The following THOP1 variants were observed in gnomAD, a reference collection of about 807,000 sequenced individuals.
THOP1 encodes thimet oligopeptidase.
In THOP1, 49 loss-of-function variants were observed where a neutral mutation model predicts 71.8. The observed-to-expected ratio is 0.68, with a 90% CI of 0.54 to 0.87. THOP1 has a LOEUF of 0.87. Among genes scored for constraint, THOP1 ranks in the 40% least tolerant of loss-of-function variants. The pLI, the probability that THOP1 is intolerant of heterozygous loss-of-function variation, is 0.00. For synonymous variants in THOP1, 426 were observed against 421.5 expected (o/e 1.01, Z -0.13); for missense variants, 843 against 975.6 (o/e 0.86, Z 1.81).
At chr19:2,812,908 C>G (rs568602307) in intron 12 of THOP1, among the ~76,000 whole-genome samples, 1 of 152,288 alleles carries the variant, frequency 6.6e-6, no homozygotes, top group South Asian at 2.1e-4. Context: ...CTCTGCTGGC[C>G]CCTCAGTGCA....
At chr19:2,788,929 T>G (rs1915811891) in intron 1 of THOP1, among the ~76,000 whole-genome samples, 2 of 151,958 alleles carry the variant, frequency 1.3e-5, no homozygotes. Flanking sequence ...CCTGGCTAAT[T>G]TTTGTATTTT....
Position 2,815,103 on chromosome 19 carries a change from G to C in THOP1, c.*1827G>C, listed in dbSNP as rs2144790405. The C allele has an allele frequency of 6.6e-6, 1 of 152,390 alleles. No homozygotes were observed. The highest frequency in any genetic ancestry group is 1.5e-5 in the Non-Finnish European group (1 of 68,106). 9.4% of individuals were successfully genotyped at this position (152,390 alleles called of 1,614,324 possible). On this transcript the variant is annotated 3_prime_UTR_variant, in exon 13 of 13. Coordinates refer to ENST00000307741, the MANE Select transcript of THOP1 (RefSeq NM_003249.5). ...CCTGGGGTTCAGAAAAGAAAAGCTG[G>C]AAGGCAAAGCCGACCGCACTGGGCA... is the stretch of plus-strand genomic sequence containing the variant.
chr19:2,804,948 C>G lies in THOP1; in HGVS notation c.590-68C>G. 1 of 1,496,586 alleles carries G rather than the reference C, an allele frequency of 6.7e-7. No homozygotes were observed. Among genetic ancestry groups the G allele is most frequent in the Non-Finnish European group, 9.0e-7 (1 of 1,113,874 alleles). 92.7% of individuals were successfully genotyped at this position (1,496,586 alleles called of 1,614,324 possible). A position where few individuals can be genotyped will look rare whatever the true frequency, so the allele number is the denominator to read the frequency against. On this transcript the variant is annotated intron_variant, in intron 5 of 12. Coordinates refer to ENST00000307741, the MANE Select transcript of THOP1 (RefSeq NM_003249.5). This position sits in a 1 kb window ranked among gnomAD's most constrained non-coding sequence, Gnocchi z 4.7. ...GGCAGAGGGGAAGCCCACCCCTTCC[C>G]TCACACGCTGTGTGCAGGCTGTGGG...
Position 2,785,542 on chromosome 19 carries a change from T to G in THOP1, c.-121T>G, listed in dbSNP as rs954806552. On this transcript the variant is annotated 5_prime_UTR_variant, in exon 1 of 13. Coordinates refer to ENST00000307741, the MANE Select transcript of THOP1 (RefSeq NM_003249.5). ...GCGCGGGCGGCGGGCCCCTTGGTCC[T>G]CAGGCGGCCGTGGCGGCGGTGGCGG... The G allele has an allele frequency of 1.3e-5, 16 of 1,244,198 alleles. No individual in the cohort carries two copies. The highest frequency in any genetic ancestry group is 1.7e-5 in the Non-Finnish European group (16 of 942,638). The allele number at this position is 1,244,198 out of a possible 1,614,324, so 77.1% of individuals were successfully genotyped here. A position where few individuals can be genotyped will look rare whatever the true frequency, so the allele number is the denominator to read the frequency against.
chr19:2,807,056 G>A lies in THOP1; in HGVS notation c.886+4G>A. 6.2e-7 allele frequency: 1 copy of A among 1,606,096 alleles called. No individual in the cohort carries two copies. Among genetic ancestry groups the A allele is most frequent in the Non-Finnish European group, 8.5e-7 (1 of 1,176,820 alleles). ...CAGACCGTGGCCACCTTCCTAGGTA[G>A]CCCTTCCTTCCTCCTCCACTGGGGT... On this transcript the variant is annotated splice_donor_region_variant and intron_variant, in intron 7 of 12. Transcript: ENST00000307741.
Position 2,807,655 on chromosome 19 carries a change from A to G in THOP1, c.1100A>G (p.His367Arg). 4 of 1,609,228 alleles carry G rather than the reference A, an allele frequency of 2.5e-6. No homozygotes were observed. Among genetic ancestry groups the G allele is most frequent in the South Asian group, 2.2e-5 (2 of 91,010 alleles). Residue 367 changes from histidine (H) to arginine (R), a missense_variant, in exon 8 of 13, where the codon CAC becomes CGC. His to Arg is a conservative substitution (Grantham distance 29). Transcript: ENST00000307741. ...KEYFPVQVVT[H>R]GLLGIYQELL... ...TACTTCCCCGTGCAGGTGGTCACGC[A>G]CGGGCTGCTGGGCATCTACCAGGAG...
intron 9 of THOP1, chr19:2,809,541 A>G (rs1356745503): frequency 1.3e-5 from 2 of 152,248 alleles, no homozygotes; most frequent in African/African-American, 4.8e-5. Context: ...TGTGGATCTT[A>G]GTAGGCGAGT....
intron 1 of THOP1, among the ~76,000 whole-genome samples, chr19:2,787,513 C>T (rs1915775826): frequency 6.6e-6 from 1 of 152,136 alleles, no homozygotes; most frequent in Non-Finnish European, 1.5e-5. Flanking sequence ...CTTTCTGAGC[C>T]CCTGAAGCTC....
At chr19:2,794,417 G>A (rs929585415) in intron 2 of THOP1, among the ~76,000 whole-genome samples, 1 of 152,154 alleles carries the variant, frequency 6.6e-6, no homozygotes, top group Admixed American at 6.5e-5. Flanking sequence ...TGTGACCATC[G>A]GCAGCTGCAG....
chr19:2,797,881 C>T (rs901178531), intron 4 of THOP1, among the ~76,000 whole-genome samples: 22 of 152,320 alleles, frequency 1.4e-4, no homozygotes, highest in African/African-American at 5.1e-4. Flanking sequence ...ATGGCTGAGG[C>T]AACCAAGACT....
chr19:2,797,003 T>C (rs1456539391), intron 4 of THOP1, among the ~76,000 whole-genome samples: 1 of 152,142 alleles, frequency 6.6e-6, no homozygotes, highest in Admixed American at 6.5e-5. Flanking sequence ...AACAGAGCAG[T>C]GGCGACCGCC....
intron 8 of THOP1, 45 bp from the exon 9 acceptor site, chr19:2,808,198 G>T: frequency 6.6e-7 from 1 of 1,526,620 alleles, no homozygotes; most frequent in Non-Finnish European, 8.9e-7. Context: ...GGACTCTTGC[G>T]GTGTCTCTAG....
In THOP1 at chr19:2,798,810, C is replaced by T. The variant is rs116492938; in HGVS notation, c.487-879C>T. Among the ~76,000 whole-genome samples the T allele has an allele frequency of 2.5e-3, 379 of 152,350 alleles. 2 individuals are homozygous for T. The highest frequency in any genetic ancestry group is 8.8e-3 in the African/African-American group (367 of 41,578). ...GGAGCTGGGCTCCAGACCCGCCTGGCGGAGCTTCCAGCAGGAGAATCTGAG... is the reference window on the plus strand; with the variant it reads ...GGAGCTGGGCTCCAGACCCGCCTGGTGGAGCTTCCAGCAGGAGAATCTGAG... On this transcript the variant is annotated intron_variant, in intron 4 of 12. Transcript: ENST00000307741.
At chr19:2,806,762 C>A in intron 6 of THOP1, 155 bp from the exon 7 acceptor site, 1 of 1,302,064 alleles carries the variant, frequency 7.7e-7, no homozygotes, top group Non-Finnish European at 1.1e-6. Context: ...GGTGGCATGA[C>A]CAGAGGAGTT....
chr19:2,795,344 C>T (rs1475011463), intron 3 of THOP1, among the ~76,000 whole-genome samples: 1 of 152,256 alleles, frequency 6.6e-6, no homozygotes, highest in Non-Finnish European at 1.5e-5. Flanking sequence ...CTGGCAGGGC[C>T]TGGCGGCATG....
At chr19:2,797,923 C>T (rs1430474687) in intron 4 of THOP1, among the ~76,000 whole-genome samples, 1 of 152,200 alleles carries the variant, frequency 6.6e-6, no homozygotes, top group African/African-American at 2.4e-5. Flanking sequence ...TCAGTGAAAC[C>T]AGCACTGACG....
chr19:2,811,270 A>C (rs952231977), intron 11 of THOP1, among the ~76,000 whole-genome samples: 1 of 152,230 alleles, frequency 6.6e-6, no homozygotes, highest in Non-Finnish European at 1.5e-5. Flanking sequence ...TCTTTCCAAA[A>C]GCGTTTTCAG....
chr19:2,792,105 C>G (rs1016899225), intron 2 of THOP1, among the ~76,000 whole-genome samples: 1 of 152,280 alleles, frequency 6.6e-6, no homozygotes, highest in Non-Finnish European at 1.5e-5. Context: ...ACGGTACTGA[C>G]ACTGTCGTCC....
chr19:2,810,096 CA>C, intron 9 of THOP1: 3 of 612,620 alleles, frequency 4.9e-6, no homozygotes, highest in Middle Eastern at 4.5e-4. Context: ...CCGGCATCTT[CA>C]GGTGTGTCCT....
Sources: allele counts gnomAD v4.1 joint callset (sites outside exome capture counted in the v4.1 genomes callset), GRCh38; gene constraint gnomAD v4.1.1; non-coding constraint Gnocchi (gnomAD v3.1); transcripts MANE v1.5; gene names NCBI Gene and HGNC (gene_info 2026-07-23, HGNC 2026-07-21).